DIS3L2: variants seen among roughly 807,000 people sequenced by gnomAD.
The protein encoded by DIS3L2 is DIS3 like 3'-5' exoribonuclease 2.
In DIS3L2, 34 loss-of-function variants were observed where a neutral mutation model predicts 97.5. The ratio of observed to expected loss-of-function variants is 0.35; its 90% CI spans 0.27 to 0.46. The LOEUF is 0.46. Ranked by LOEUF, DIS3L2 falls within the 20% of genes least tolerant of loss-of-function variation. The pLI is 1.00. For synonymous variants in DIS3L2, 435 were observed against 445.2 expected, an observed-to-expected ratio of 0.98 and a Z score of 0.29; for missense variants, 1,038 against 1,146.0, an observed-to-expected ratio of 0.91 and a Z score of 1.36.
intron 13 of DIS3L2, chr2:232,343,226 A>G: frequency 2.5e-6 from 2 of 809,556 alleles, no homozygotes; most frequent in South Asian, 3.5e-5. Context: ...GCCATGCTGT[A>G]TCTTTCTGAA....
intron 13 of DIS3L2, among the ~76,000 whole-genome samples, chr2:232,279,906 T>TTGGC (rs2106299806): frequency 6.6e-6 from 1 of 152,336 alleles, no homozygotes; most frequent in African/African-American, 2.4e-5. Context: ...CTCCTAGTCT[T>TTGGC]TGGCTTGTCA....
intron 1 of DIS3L2, among the ~76,000 whole-genome samples, chr2:231,992,080 C>T (rs1045056569): frequency 1.3e-5 from 2 of 152,106 alleles, no homozygotes; most frequent in African/African-American, 2.4e-5. Context: ...GCTGGACAGG[C>T]GTGAGACTGT....
chr2:232,182,334 C>T (rs997777005), intron 9 of DIS3L2, among the ~76,000 whole-genome samples: 2 of 152,048 alleles, frequency 1.3e-5, no homozygotes, highest in African/African-American at 2.4e-5. Context: ...TTTATTGAAA[C>T]TTGTTATATG....
chr2:232,277,539 A>G (rs1694171861), intron 13 of DIS3L2, among the ~76,000 whole-genome samples: 1 of 152,160 alleles, frequency 6.6e-6, no homozygotes, highest in South Asian at 2.1e-4. Flanking sequence ...TTATTTTATT[A>G]TAAAAGTAAT....
At chr2:232,126,223 G>A (rs536321364) in intron 6 of DIS3L2, among the ~76,000 whole-genome samples, 7 of 152,270 alleles carry the variant, frequency 4.6e-5, no homozygotes, top group Admixed American at 1.3e-4. Flanking sequence ...AATTGCCCTG[G>A]CATTTATAAT....
intron 9 of DIS3L2, among the ~76,000 whole-genome samples, chr2:232,183,966 G>C (rs1691364828): frequency 6.6e-6 from 1 of 152,170 alleles, no homozygotes; most frequent in Non-Finnish European, 1.5e-5. Flanking sequence ...CAATGCTGTT[G>C]ATTTTAAGGC....
At position 232,336,580 on chromosome 2, in the gene DIS3L2, AAGGAGG is replaced by A; in HGVS notation, c.2617_2622del (p.Glu873_Glu874del). The A allele has an allele frequency of 6.2e-7, 1 of 1,608,886 alleles. No individual in the cohort carries two copies. Among genetic ancestry groups the A allele is most frequent in the South Asian group, 1.1e-5 (1 of 91,058 alleles). ...CACCCAGGGCCACCTGGGCCCTGAG[AAGGAGG>A]AGGAGGAGTCTGACGGTGAGCCCGA... On this transcript the variant is annotated inframe_deletion, in exon 21 of 21. Transcript: ENST00000325385.
At chr2:232,015,476 G>A (rs1417864285) in intron 2 of DIS3L2, 38 bp from the exon 3 acceptor site, 3 of 1,600,778 alleles carry the variant, frequency 1.9e-6, no homozygotes, top group South Asian at 1.1e-5. Context: ...ATACACAGAT[G>A]TTTGAGGAAA....
At chr2:232,315,085 A>G (rs752977040) in intron 14 of DIS3L2, among the ~76,000 whole-genome samples, 3 of 152,152 alleles carry the variant, frequency 2.0e-5, no homozygotes, top group Non-Finnish European at 2.9e-5. Flanking sequence ...CTTTAAACCC[A>G]AGGAGGCTTG....
At chr2:232,024,421 C>A in intron 4 of DIS3L2, 91 bp downstream of exon 4, 3 of 1,051,942 alleles carry the variant, frequency 2.9e-6, no homozygotes, top group South Asian at 1.5e-5. Flanking sequence ...AACTAAAAAG[C>A]AGAGTAGTGA....
At chr2:232,252,037 C>T (rs1243029491) in intron 12 of DIS3L2, among the ~76,000 whole-genome samples, 3 of 152,168 alleles carry the variant, frequency 2.0e-5, no homozygotes, top group African/African-American at 7.2e-5. Flanking sequence ...TCAGGGCTGG[C>T]AGACTTTTCC....
At chr2:232,199,073 C>G (rs1049244732) in intron 9 of DIS3L2, among the ~76,000 whole-genome samples, 2 of 152,178 alleles carry the variant, frequency 1.3e-5, no homozygotes, top group Non-Finnish European at 2.9e-5. Flanking sequence ...CAGTAGATAG[C>G]CACTAAATAT....
intron 6 of DIS3L2, among the ~76,000 whole-genome samples, chr2:232,102,671 T>C (rs1341942721): frequency 6.6e-6 from 1 of 152,222 alleles, no homozygotes; most frequent in African/African-American, 2.4e-5. Context: ...GTGTTCATAA[T>C]ATCACTGTTT....
intron 5 of DIS3L2, among the ~76,000 whole-genome samples, chr2:232,056,423 G>A (rs990222699): frequency 2.0e-5 from 3 of 151,600 alleles, no homozygotes; most frequent in African/African-American, 7.3e-5. Context: ...CCATGAAGGA[G>A]AAAAATTAAT....
downstream of DIS3L2, chr2:232,340,759 C>T (rs183840042): frequency 5.8e-4 from 274 of 471,168 alleles, 1 homozygote; most frequent in African/African-American, 4.8e-3. Flanking sequence ...TTCCTCAACT[C>T]GGAGACCCAG....
chr2:232,232,513 A>T (rs1401988803), intron 10 of DIS3L2, among the ~76,000 whole-genome samples: 1 of 152,180 alleles, frequency 6.6e-6, no homozygotes, highest in Non-Finnish European at 1.5e-5. Context: ...TATGGAAGGT[A>T]GAGTCAGAAT....
At chr2:232,086,665 G>GACACA (rs1574863852) in intron 5 of DIS3L2, among the ~76,000 whole-genome samples, 3 of 34,738 alleles carry the variant, frequency 8.6e-5, no homozygotes, top group East Asian at 1.1e-3. Context: ...ATATATGTGT[G>GACACA]TGTGTGTGTG....
downstream of DIS3L2, among the ~76,000 whole-genome samples, chr2:232,340,321 C>T (rs374252970): frequency 1.3e-5 from 2 of 152,126 alleles, no homozygotes. Context: ...ACCACGGGAC[C>T]CCCAGCTCTG....
chr2:232,137,138 G>A (rs1698382414), intron 8 of DIS3L2, among the ~76,000 whole-genome samples: 1 of 152,106 alleles, frequency 6.6e-6, no homozygotes, highest in African/African-American at 2.4e-5. Flanking sequence ...TGAACATGAA[G>A]GTATATTTAA....
Sources: gnomAD v4.1 joint callset for allele counts (sites outside exome capture counted in the v4.1 genomes callset) on GRCh38, gnomAD v4.1.1 for gene constraint, MANE v1.5 for transcripts, NCBI Gene and HGNC (gene_info 2026-07-23, HGNC 2026-07-21) for gene names.